The following SKIC8 variants were observed in gnomAD, a reference collection of about 807,000 sequenced individuals.
SKIC8 encodes superkiller complex protein 8.
the SKIC8 span, chr15:78,285,967 G>T: frequency 7.8e-7 from 1 of 1,273,948 alleles, no homozygotes. Context: ...ATCTTTAAAT[G>T]TTAAGGCAAT....
the SKIC8 span, chr15:78,284,261 A>T: frequency 6.6e-6 from 1 of 152,190 alleles, no homozygotes; most frequent in African/African-American, 2.4e-5. Context: ...AATGATCCAT[A>T]CATACAAGGA....
At chr15:78,285,146 G>T in the SKIC8 span, 1 of 932,360 alleles carries the variant, frequency 1.1e-6, no homozygotes, top group Non-Finnish European at 1.7e-6. Context: ...AGCAGCTCAG[G>T]CCCAGGCATC....
chr15:78,295,053 C>G, the SKIC8 span: 35 of 1,544,600 alleles, frequency 2.3e-5, no homozygotes, highest in Non-Finnish European at 3.0e-5. Flanking sequence ...CACTCCTCCC[C>G]GAGTAGACAG....
chr15:78,283,429 T>C, the SKIC8 span: 2 of 1,611,334 alleles, frequency 1.2e-6, no homozygotes, highest in Non-Finnish European at 1.7e-6. Context: ...GAGACTTTGA[T>C]GTTTAAATTG....
the SKIC8 span, chr15:78,290,199 G>A: frequency 7.9e-7 from 1 of 1,273,064 alleles, no homozygotes; most frequent in Non-Finnish European, 1.1e-6. Context: ...TTAAATCGGA[G>A]TAGCAGTGTC....
At chr15:78,294,807 A>T in the SKIC8 span, 1 of 791,848 alleles carries the variant, frequency 1.3e-6, no homozygotes, top group Non-Finnish European at 2.0e-6. Flanking sequence ...TTTTAAGAGT[A>T]TTTGTTTTCA....
chr15:78,283,427 G>C, the SKIC8 span: 2 of 1,609,950 alleles, frequency 1.2e-6, no homozygotes, highest in African/African-American at 1.3e-5. Context: ...TGGAGACTTT[G>C]ATGTTTAAAT....
the SKIC8 span, chr15:78,288,476 C>A: frequency 4.8e-6 from 6 of 1,252,672 alleles, no homozygotes; most frequent in South Asian, 7.7e-5. Flanking sequence ...TTATGAGCCA[C>A]TGAGTTGAAA....
chr15:78,288,364 C>T, the SKIC8 span: 14 of 1,613,760 alleles, frequency 8.7e-6, no homozygotes, highest in Admixed American at 1.0e-4. Context: ...GGTCAAGGAG[C>T]GAATGGGCAT....
At chr15:78,290,061 A>G in the SKIC8 span, 2 of 1,614,144 alleles carry the variant, frequency 1.2e-6, no homozygotes, top group Non-Finnish European at 1.7e-6. Flanking sequence ...GTGGCCAGAT[A>G]CTGGGAATCA....
the SKIC8 span, among the ~76,000 whole-genome samples, chr15:78,287,889 G>A: frequency 6.6e-6 from 1 of 152,142 alleles, no homozygotes; most frequent in African/African-American, 2.4e-5. Flanking sequence ...CTAGGGCAGA[G>A]GCATGTCTGC....
At chr15:78,295,715 G>A in the SKIC8 span, 1 of 1,540,356 alleles carries the variant, frequency 6.5e-7, no homozygotes. Context: ...AGGACAAAAG[G>A]CCAGACAGCT....
At chr15:78,292,719 G>C in the SKIC8 span, 2 of 1,614,176 alleles carry the variant, frequency 1.2e-6, no homozygotes, top group Middle Eastern at 3.3e-4. Flanking sequence ...GGGTGTGGCT[G>C]ATGTCCACAG....
chr15:78,295,833 GT>G, the SKIC8 span: 2 of 889,122 alleles, frequency 2.2e-6, no homozygotes, highest in African/African-American at 1.7e-5. Context: ...TTATGAAGTT[GT>G]TCTGACACCC....
the SKIC8 span, among the ~76,000 whole-genome samples, chr15:78,298,967 C>G: frequency 6.6e-6 from 1 of 152,200 alleles, no homozygotes; most frequent in African/African-American, 2.4e-5. Context: ...AAGGTCAGAG[C>G]TAAGAGACTT....
chr15:78,295,119 C>T, the SKIC8 span: 1 of 858,658 alleles, frequency 1.2e-6, no homozygotes, highest in African/African-American at 1.7e-5. Flanking sequence ...CCCGCAAGCT[C>T]CTTGATTCCC....
the SKIC8 span, among the ~76,000 whole-genome samples, chr15:78,288,070 T>A: frequency 6.6e-6 from 1 of 152,178 alleles, no homozygotes; most frequent in Non-Finnish European, 1.5e-5. Flanking sequence ...AGCAAGTATC[T>A]GATCCTACCA....
chr15:78,292,610 T>G, the SKIC8 span: 6 of 1,614,138 alleles, frequency 3.7e-6, no homozygotes, highest in Non-Finnish European at 5.1e-6. Context: ...CAAGTAAAAC[T>G]CTTACCAGGT....
chr15:78,293,954 G>A, the SKIC8 span, among the ~76,000 whole-genome samples: 1 of 152,192 alleles, frequency 6.6e-6, no homozygotes, highest in Non-Finnish European at 1.5e-5. Flanking sequence ...TGCAGACCCA[G>A]TGTGGATGTA....
Sources: gnomAD v4.1 joint callset for allele counts (sites outside exome capture counted in the v4.1 genomes callset) on GRCh38, gnomAD v4.1.1 for gene constraint, MANE v1.5 for transcripts, NCBI Gene and HGNC (gene_info 2026-07-23, HGNC 2026-07-21) for gene names.